The following GRIN2B variants were observed in gnomAD, a reference collection of about 807,000 sequenced individuals.
The protein encoded by GRIN2B is glutamate receptor ionotropic, NMDA 2B.
Under a neutral mutation model 114.5 loss-of-function variants are expected in GRIN2B, and 5 were observed. That is an observed-to-expected ratio of 0.04 (90% CI 0.02 to 0.09). The LOEUF (loss-of-function observed/expected upper bound fraction) is 0.09, where lower values mean the gene tolerates loss of function less well. GRIN2B is among the 10% of genes least tolerant of loss of function. The probability of loss-of-function intolerance (pLI) is 1.00; values close to 1 mark genes in which losing one functional copy is unlikely to be tolerated. For synonymous variants in GRIN2B, 787 were observed against 745.1 expected (o/e 1.06, Z -0.92); for missense variants, 1,108 against 1,943.5 (o/e 0.57, Z 8.08).
At chr12:13,790,747 A>G (rs527473540) in intron 3 of GRIN2B, among the ~76,000 whole-genome samples, 30 of 152,314 alleles carry the variant, frequency 2.0e-4, no homozygotes, top group Non-Finnish European at 4.0e-4. Context: ...CAGACTTAGA[A>G]AGGAGGCCCA....
chr12:13,671,208 GAC>G (rs1205860835), intron 5 of GRIN2B, among the ~76,000 whole-genome samples: 1 of 152,088 alleles, frequency 6.6e-6, no homozygotes, highest in East Asian at 1.9e-4. Context: ...ACTACCAATT[GAC>G]ATTTGTTGGA....
intron 3 of GRIN2B, among the ~76,000 whole-genome samples, chr12:13,790,508 C>T (rs560584020): frequency 6.6e-6 from 1 of 152,314 alleles, no homozygotes; most frequent in Non-Finnish European, 1.5e-5. Context: ...TTCACTTCCC[C>T]TTTTGAGAGA....
rs751965360 is a variant in GRIN2B at position 13,571,980 on chromosome 12, C to CAGAT, written c.2011-20_2011-17dup. The CAGAT allele has an allele frequency of 8.1e-6, 13 of 1,599,906 alleles. No individual in the cohort carries two copies. Among genetic ancestry groups the CAGAT allele is most frequent in the Non-Finnish European group, 1.1e-5 (13 of 1,168,682 alleles). On this transcript the variant is annotated splice_polypyrimidine_tract_variant and intron_variant, in intron 10 of 13. Coordinates refer to ENST00000609686, the MANE Select transcript of GRIN2B (RefSeq NM_000834.5). ...GTCTCTGGAACTGGAGAGAGAAAGACAGATAGAGACAGAGCGGGAGATGGA... is the reference window on the plus strand; with the variant it reads ...GTCTCTGGAACTGGAGAGAGAAAGACAGATAGATAGAGACAGAGCGGGAGATGGA...
chr12:13,734,986 G>T (rs1218777667), intron 4 of GRIN2B, among the ~76,000 whole-genome samples: 3 of 152,200 alleles, frequency 2.0e-5, no homozygotes, highest in Non-Finnish European at 4.4e-5. Flanking sequence ...GTTGGCATAA[G>T]GTGGGGAGTT....
At chr12:13,622,931 G>A (rs935770811) in intron 5 of GRIN2B, among the ~76,000 whole-genome samples, 1 of 152,156 alleles carries the variant, frequency 6.6e-6, no homozygotes, top group African/African-American at 2.4e-5. Context: ...AACTTTGGGG[G>A]ACACATTCAA....
At chr12:13,652,487 G>A (rs1784070375) in intron 5 of GRIN2B, among the ~76,000 whole-genome samples, 1 of 151,980 alleles carries the variant, frequency 6.6e-6, no homozygotes, top group Non-Finnish European at 1.5e-5. Context: ...ACAGTCTGAT[G>A]TAGGAGGAGG....
chr12:13,798,879 C>A (rs1003593137), intron 3 of GRIN2B, among the ~76,000 whole-genome samples: 1 of 152,198 alleles, frequency 6.6e-6, no homozygotes, highest in Non-Finnish European at 1.5e-5. Flanking sequence ...GGCCTCCTTA[C>A]ATTCAAAAAG....
chr12:13,856,864 A>T lies in GRIN2B; in HGVS notation c.411+8934T>A, dbSNP rs569816394. ...TATAGCTACATGTCCAGCCCAAATCATTCACTCTACCTCCAGGCCCAAATC... is the reference window on the plus strand; with the variant it reads ...TATAGCTACATGTCCAGCCCAAATCTTTCACTCTACCTCCAGGCCCAAATC... On this transcript the variant is annotated intron_variant, in intron 3 of 13. Coordinates refer to ENST00000609686, the MANE Select transcript of GRIN2B (RefSeq NM_000834.5). Among the ~76,000 whole-genome samples the T allele has an allele frequency of 2.0e-5, 3 of 152,194 alleles. No homozygotes were observed. The East Asian group carries it at 5.8e-4, about 29-fold the overall frequency.
intron 3 of GRIN2B, among the ~76,000 whole-genome samples, chr12:13,822,402 A>C (rs1433561064): frequency 1.3e-5 from 2 of 152,158 alleles, no homozygotes; most frequent in East Asian, 3.8e-4. Flanking sequence ...AGAAGTACAA[A>C]ATGTAGTTGT....
At chr12:13,976,646 G>A (rs1213625832) in intron 2 of GRIN2B, among the ~76,000 whole-genome samples, 1 of 151,946 alleles carries the variant, frequency 6.6e-6, no homozygotes, top group African/African-American at 2.4e-5. Flanking sequence ...CATACAATTT[G>A]TCCTTTCACC....
chr12:13,669,042 G>A (rs567341509), intron 5 of GRIN2B, among the ~76,000 whole-genome samples: 153 of 150,960 alleles, frequency 1.0e-3, no homozygotes, highest in African/African-American at 3.4e-3. Flanking sequence ...GAGATAGGGA[G>A]GATAAGCCAT....
intron 4 of GRIN2B, among the ~76,000 whole-genome samples, chr12:13,713,258 C>T (rs1397843929): frequency 6.6e-6 from 1 of 151,844 alleles, no homozygotes; most frequent in African/African-American, 2.4e-5. Context: ...TCCTTTTATG[C>T]TCCTAGCAGA....
At chr12:13,612,313 T>A (rs971606646) in intron 8 of GRIN2B, among the ~76,000 whole-genome samples, 1 of 152,194 alleles carries the variant, frequency 6.6e-6, no homozygotes, top group African/African-American at 2.4e-5. Flanking sequence ...TATTTTAGAG[T>A]TGAATTTGTT....
chr12:13,717,144 A>G (rs1396947105), intron 4 of GRIN2B, among the ~76,000 whole-genome samples: 2 of 149,936 alleles, frequency 1.3e-5, no homozygotes, highest in African/African-American at 4.9e-5. Flanking sequence ...TTTGGAGTTT[A>G]TATCTCCTTT....
chr12:13,885,363 C>T (rs1866137982), intron 2 of GRIN2B, among the ~76,000 whole-genome samples: 1 of 152,142 alleles, frequency 6.6e-6, no homozygotes, highest in Non-Finnish European at 1.5e-5. Flanking sequence ...GAAGACATTA[C>T]AAGAATGAAA....
chr12:13,633,440 G>A (rs1403429106), intron 5 of GRIN2B, among the ~76,000 whole-genome samples: 2 of 152,230 alleles, frequency 1.3e-5, no homozygotes, highest in African/African-American at 4.8e-5. Flanking sequence ...GGTAATGGTG[G>A]TAGGGGTGTT....
At chr12:13,770,844 A>G (rs1368454030) in intron 3 of GRIN2B, among the ~76,000 whole-genome samples, 1 of 152,192 alleles carries the variant, frequency 6.6e-6, no homozygotes, top group Non-Finnish European at 1.5e-5. Context: ...ATATTCTGTA[A>G]TGGATTCTAT....
At chr12:13,685,427 T>C (rs1950168239) in intron 4 of GRIN2B, among the ~76,000 whole-genome samples, 1 of 152,228 alleles carries the variant, frequency 6.6e-6, no homozygotes, top group African/African-American at 2.4e-5. Flanking sequence ...AAGAAGGTTA[T>C]AATTTAGTTT....
At chr12:13,980,525 T>G (rs1863112707) in intron 1 of GRIN2B, among the ~76,000 whole-genome samples, 169 bp from the exon 2 acceptor site, 1 of 151,944 alleles carries the variant, frequency 6.6e-6, no homozygotes, top group African/African-American at 2.4e-5. Flanking sequence ...TACCGGTCTA[T>G]AAATAATTCA....
Sources: gnomAD v4.1 joint callset for allele counts (sites outside exome capture counted in the v4.1 genomes callset) on GRCh38, gnomAD v4.1.1 for gene constraint, MANE v1.5 for transcripts, NCBI Gene and HGNC (gene_info 2026-07-23, HGNC 2026-07-21) for gene names.